COL12A1: variants seen among roughly 807,000 people sequenced by gnomAD.
COL12A1 encodes the protein collagen alpha-1(XII) chain.
COL12A1 carries 114 observed loss-of-function variants against 349.7 expected under a neutral mutation model. The observed-to-expected ratio is 0.33, with a 90% CI of 0.28 to 0.38. The LOEUF is 0.38. COL12A1 is among the 10% of genes least tolerant of loss of function. COL12A1 has a pLI of 1.00. For synonymous variants in COL12A1, 1,369 were observed against 1,329.0 expected, an observed-to-expected ratio of 1.03 and a Z score of -0.66; for missense variants, 3,284 against 3,756.9, an observed-to-expected ratio of 0.87 and a Z score of 3.29.
At chr6:75,128,778 T>A (rs147432759) in intron 37 of COL12A1, among the ~76,000 whole-genome samples, 29 of 152,332 alleles carry the variant, frequency 1.9e-4, no homozygotes, top group African/African-American at 6.5e-4. Flanking sequence ...GATCTCATCA[T>A]CACATGTTCC....
At chr6:75,087,479 C>A (rs1454226762) in intron 65 of COL12A1, 98 bp downstream of exon 65, 20 of 1,188,488 alleles carry the variant, frequency 1.7e-5, no homozygotes, top group Non-Finnish European at 2.4e-5. Context: ...ATCTTCAAGA[C>A]ATCTTCAAAT....
In COL12A1 at chr6:75,202,803, C is replaced by T. The variant is rs745772474; in HGVS notation, c.-11G>A. ...AAGCCTACTCCGCATCCTTGGCCTC[C>T]GAGCTTACAGCGGCATGAAGAGATC... On this transcript the variant is annotated 5_prime_UTR_variant, in exon 2 of 66. Transcript: ENST00000322507. 169 of 1,551,518 alleles carry T rather than the reference C, an allele frequency of 1.1e-4. No homozygotes were observed. Among genetic ancestry groups the T allele is most frequent in the Non-Finnish European group, 1.3e-4 (147 of 1,146,922 alleles).
At chr6:75,169,729 T>C (rs1402947137) in intron 13 of COL12A1, among the ~76,000 whole-genome samples, 3 of 152,200 alleles carry the variant, frequency 2.0e-5, no homozygotes, top group African/African-American at 7.2e-5. Flanking sequence ...AAACAAGTCA[T>C]CATCTACAAT....
chr6:75,096,639 G>A (rs1382621623), intron 59 of COL12A1, among the ~76,000 whole-genome samples: 1 of 152,204 alleles, frequency 6.6e-6, no homozygotes, highest in Non-Finnish European at 1.5e-5. Flanking sequence ...GCTCACGCCT[G>A]TAATCCCAGC....
intron 8 of COL12A1, among the ~76,000 whole-genome samples, chr6:75,185,612 C>T (rs113312426): frequency 1.3e-5 from 2 of 152,224 alleles, no homozygotes; most frequent in East Asian, 1.9e-4. Flanking sequence ...GAACTAGAAA[C>T]ACCTATTTTA....
chr6:75,166,531 A>G (rs1167094643), intron 13 of COL12A1, among the ~76,000 whole-genome samples: 2 of 151,386 alleles, frequency 1.3e-5, no homozygotes, highest in Admixed American at 1.3e-4. Context: ...GGAAACCTCA[A>G]CTTAACAGGA....
At chr6:75,164,475 C>A (rs1428665806) in intron 14 of COL12A1, among the ~76,000 whole-genome samples, 1 of 152,164 alleles carries the variant, frequency 6.6e-6, no homozygotes, top group Non-Finnish European at 1.5e-5. Flanking sequence ...CTTCCCAAAA[C>A]AAAAGGATTA....
chr6:75,123,860 C>G (rs2149373364), intron 42 of COL12A1, 88 bp downstream of exon 42: 1 of 1,362,136 alleles, frequency 7.3e-7, no homozygotes, highest in Non-Finnish European at 1.0e-6. Flanking sequence ...CGGAGAGGTA[C>G]CTGCACAGGA....
In COL12A1 at chr6:75,165,629, G is replaced by A; in HGVS notation, c.2861C>T (p.Pro954Leu). 1 of 1,613,928 alleles carries A rather than the reference G, an allele frequency of 6.2e-7. No individual in the cohort carries two copies. The highest frequency in any genetic ancestry group is 8.5e-7 in the Non-Finnish European group (1 of 1,179,912). Residue 954 changes from proline to leucine, a missense_variant, in exon 14 of 66, where the codon CCT becomes CTT. Coordinates refer to ENST00000322507, the MANE Select transcript of COL12A1 (RefSeq NM_004370.6). ...DDVDTGEKNL[P>L]EDAIHTMIEN... ...TATCATCGTATGAATTGCATCTTCA[G>A]GCAGATTTTTCTCTCCAGTGTCAAC...
Position 75,138,315 on chromosome 6 carries a change from C to A in COL12A1, c.5251+5G>T. ...TTCAAACAATTCATCAAATTAAATT[C>A]TTACCTTGTGTTGTTAAGATAGGCA... On this transcript the variant is annotated splice_donor_5th_base_variant and intron_variant, in intron 30 of 65. Coordinates refer to ENST00000322507, the MANE Select transcript of COL12A1 (RefSeq NM_004370.6). 1 of 1,607,080 alleles carries A rather than the reference C, an allele frequency of 6.2e-7. No individual in the cohort carries two copies. Among genetic ancestry groups the A allele is most frequent in the South Asian group, 1.1e-5 (1 of 89,454 alleles).
At chr6:75,172,007 A>T (rs575995752) in intron 13 of COL12A1, among the ~76,000 whole-genome samples, 109 of 152,330 alleles carry the variant, frequency 7.2e-4, no homozygotes, top group African/African-American at 2.5e-3. Context: ...AATTAACTGT[A>T]TTTTTTTAAG....
intron 42 of COL12A1, 99 bp from the exon 43 acceptor site, chr6:75,123,503 C>T: frequency 1.0e-6 from 1 of 960,610 alleles, no homozygotes; most frequent in African/African-American, 1.7e-5. Flanking sequence ...GATACCAAAT[C>T]AAGTCGTACA....
intron 55 of COL12A1, 118 bp from the exon 56 acceptor site, chr6:75,102,810 T>C: frequency 2.0e-6 from 1 of 510,888 alleles, no homozygotes; most frequent in Non-Finnish European, 3.2e-6. Flanking sequence ...CTTTGTAAAC[T>C]TTTAAGAATC....
At chr6:75,196,704 T>C (rs1368692741) in intron 2 of COL12A1, among the ~76,000 whole-genome samples, 1 of 152,204 alleles carries the variant, frequency 6.6e-6, no homozygotes, top group Non-Finnish European at 1.5e-5. Flanking sequence ...TTATAAAATA[T>C]TGTTCCAGTA....
In COL12A1 at chr6:75,138,975, A is replaced by T. The variant is rs1480279658; in HGVS notation, c.4958-14T>A. On this transcript the variant is annotated splice_polypyrimidine_tract_variant and intron_variant, in intron 27 of 65. Coordinates refer to ENST00000322507, the MANE Select transcript of COL12A1 (RefSeq NM_004370.6). ...CTGGCACGGGTCCTATCATGAGAAAAGGCAAGCAGACTAAGTTTTTGAATG... is the reference window on the plus strand; with the variant it reads ...CTGGCACGGGTCCTATCATGAGAAATGGCAAGCAGACTAAGTTTTTGAATG... The T allele has an allele frequency of 6.2e-7, 1 of 1,612,254 alleles. No individual in the cohort carries two copies. Among genetic ancestry groups the T allele is most frequent in the South Asian group, 1.1e-5 (1 of 90,488 alleles).
intron 44 of COL12A1, 64 bp from the exon 45 acceptor site, chr6:75,119,537 T>C (rs1321637607): frequency 6.5e-7 from 1 of 1,539,418 alleles, no homozygotes; most frequent in Non-Finnish European, 8.8e-7. Flanking sequence ...AATCTTCAAA[T>C]GATTCTCTAG....
At chr6:75,134,881 T>C (rs1481725434) in intron 31 of COL12A1, 26 bp from the exon 32 acceptor site, 1 of 1,604,328 alleles carries the variant, frequency 6.2e-7, no homozygotes, top group East Asian at 2.2e-5. Context: ...TCTTGGTAAG[T>C]GTCAGCCTTG....
chr6:75,123,981 C>A lies in COL12A1; in HGVS notation c.6838G>T (p.Glu2280Ter). 1 of 1,613,464 alleles carries A rather than the reference C, an allele frequency of 6.2e-7. No homozygotes were observed. The highest frequency in any genetic ancestry group is 8.5e-7 in the Non-Finnish European group (1 of 1,179,578). The change falls in exon 42 of 66, where the codon GAG becomes TAG. Residue 2280 changes from glutamate (E) to a stop codon, truncating the protein, a stop_gained. Transcript: ENST00000322507. LOFTEE classifies it high-confidence loss of function. ...TCTTTAACAGAGACTCCTGGTCCCT[C>A]GAGATTTGGTGTCTGCACAAAAACA... ...VTVFVQTPNLEGPGVSVKEHT... is the reference protein window; with the variant it reads ...VTVFVQTPNL
In COL12A1 at chr6:75,151,069, C is replaced by T; in HGVS notation, c.4147+72G>A. 3 of 505,290 alleles carry T rather than the reference C, an allele frequency of 5.9e-6. 1 individual carries two copies. Among genetic ancestry groups the T allele is most frequent in the Non-Finnish European group, 1.0e-5 (3 of 298,384 alleles). 31.3% of individuals were successfully genotyped at this position (505,290 alleles called of 1,614,324 possible). A position where few individuals can be genotyped will look rare whatever the true frequency, so the allele number is the denominator to read the frequency against. On this transcript the variant is annotated intron_variant, in intron 21 of 65. Coordinates refer to ENST00000322507, the MANE Select transcript of COL12A1 (RefSeq NM_004370.6). ...GTGCACAAAATAGTGCCCTCCCCCCCACCCAAAAGAATAATTATTTGGCCC... is the reference window on the plus strand; with the variant it reads ...GTGCACAAAATAGTGCCCTCCCCCCTACCCAAAAGAATAATTATTTGGCCC...
Sources: gnomAD v4.1 joint callset for allele counts (sites outside exome capture counted in the v4.1 genomes callset) on GRCh38, gnomAD v4.1.1 for gene constraint, MANE v1.5 for transcripts, NCBI Gene and HGNC (gene_info 2026-07-23, HGNC 2026-07-21) for gene names.